Variants in MYB observed in about 807,000 individuals in gnomAD.
MYB encodes the protein transcriptional activator Myb.
A neutral mutation model predicts 92.9 loss-of-function variants in MYB; 28 were observed. The observed-to-expected ratio is 0.30, with a 90% CI of 0.22 to 0.41. The LOEUF (loss-of-function observed/expected upper bound fraction) is 0.41. Ranked by LOEUF, MYB falls within the 10% of genes least tolerant of loss-of-function variation. MYB has a pLI of 1.00. For synonymous variants in MYB, 295 were observed against 329.1 expected, an observed-to-expected ratio of 0.90 and a Z score of 1.12; for missense variants, 679 against 929.3, an observed-to-expected ratio of 0.73 and a Z score of 3.50.
intron 5 of MYB, among the ~76,000 whole-genome samples, chr6:135,191,050 C>T (rs1381920988): frequency 3.3e-5 from 5 of 152,180 alleles, no homozygotes; most frequent in Non-Finnish European, 5.9e-5. Flanking sequence ...CCTTTCACCT[C>T]CCAAAGTGCT....
rs755466943 is a variant in MYB, at chr6:135,196,961, G to A, written c.1204G>A (p.Asp402Asn). The A allele has an allele frequency of 4.3e-6, 7 of 1,611,008 alleles. No individual in the cohort carries two copies. Among genetic ancestry groups the A allele is most frequent in the Admixed American group, 1.7e-5 (1 of 59,818 alleles). ...FAETLQFIDS[D>N]SSSWCDLSSF... is the part of the protein sequence containing the mutation. ...TTCTGTGCCTCCCACATTGTTTCAGGATTCTTCATCATGGTGTGATCTCAG... is the reference window on the plus strand; with the variant it reads ...TTCTGTGCCTCCCACATTGTTTCAGAATTCTTCATCATGGTGTGATCTCAG... The change falls in exon 10 of 16, where the codon GAT becomes AAT. Residue 402 changes from aspartate to asparagine, a missense_variant and splice_region_variant. Asp to Asn is a conservative substitution (Grantham distance 23, BLOSUM62 1). Coordinates refer to ENST00000341911, the MANE Select transcript of MYB (RefSeq NM_001130173.2).
At chr6:135,198,189 C>T (rs1777593915) in intron 10 of MYB, among the ~76,000 whole-genome samples, 1 of 152,220 alleles carries the variant, frequency 6.6e-6, no homozygotes. Context: ...GGCCTGTAGT[C>T]CTAGCTACTG....
In MYB at chr6:135,218,164, G is replaced by T; in HGVS notation, c.*184G>T. The stretch of plus-strand genomic sequence containing the variant: ...CTTCTTGGATTTCACCCAACTAAAA[G>T]GATTTTTAAAAATAAATAACAGTCT... On this transcript the variant is annotated 3_prime_UTR_variant, in exon 16 of 16. Transcript: ENST00000341911. The T allele has an allele frequency of 3.8e-6, 2 of 524,728 alleles. No homozygotes were observed. Among genetic ancestry groups the T allele is most frequent in the Non-Finnish European group, 6.7e-6 (2 of 297,734 alleles). The allele number at this position is 524,728 out of a possible 1,614,324, so 32.5% of individuals were successfully genotyped here. A position where few individuals can be genotyped will look rare whatever the true frequency, so the allele number is the denominator to read the frequency against.
chr6:135,200,266 A>G, intron 12 of MYB, 24 bp from the exon 13 acceptor site: 1 of 1,613,902 alleles, frequency 6.2e-7, no homozygotes, highest in Non-Finnish European at 8.5e-7. Flanking sequence ...TCTCTGATGC[A>G]AAAATACCCA....
intron 15 of MYB, among the ~76,000 whole-genome samples, chr6:135,216,175 A>G (rs1780405369): frequency 6.6e-6 from 1 of 152,070 alleles, no homozygotes; most frequent in Non-Finnish European, 1.5e-5. Context: ...CAAATCTCAT[A>G]CCATCTTCAT....
chr6:135,196,070 A>G (rs550420459), intron 9 of MYB, 68 bp downstream of exon 9: 1 of 1,514,374 alleles, frequency 6.6e-7, no homozygotes, highest in East Asian at 2.3e-5. Context: ...TTCTTAAATC[A>G]TTGCCATTTT....
intron 1 of MYB, among the ~76,000 whole-genome samples, chr6:135,184,322 CTTTTTTTTTT>C: frequency 1.2e-4 from 8 of 68,418 alleles, no homozygotes; most frequent in African/African-American, 3.6e-4. Flanking sequence ...GGCTTTATAG[CTTTTTTTTTT>C]TTTTTTTTTT....
At chr6:135,201,046 T>C (rs1032921388) in intron 13 of MYB, among the ~76,000 whole-genome samples, 14 of 152,062 alleles carry the variant, frequency 9.2e-5, no homozygotes, top group Non-Finnish European at 1.6e-4. Flanking sequence ...ACCACTGCAC[T>C]CCAGCCTGGG....
intron 15 of MYB, among the ~76,000 whole-genome samples, chr6:135,212,429 A>G (rs1159251916): frequency 2.6e-5 from 4 of 152,102 alleles, no homozygotes; most frequent in Non-Finnish European, 5.9e-5. Flanking sequence ...TGTGAAGATC[A>G]TCTAATTCTG....
Position 135,219,117 on chromosome 6 carries a change from A to G in MYB, c.*1137A>G, listed in dbSNP as rs997831376. 5 of 221,868 alleles carry G rather than the reference A, an allele frequency of 2.3e-5. No homozygotes were observed. The highest frequency in any genetic ancestry group is 2.0e-4 in the East Asian group (3 of 15,352). The allele number at this position is 221,868 out of a possible 1,614,324, so 13.7% of individuals were successfully genotyped here. ...ATGGCCAGCACTGAACTTTTGAGAT[A>G]TGACGGTGTACTTACTGCCTTGTAG... On this transcript the variant is annotated 3_prime_UTR_variant, in exon 16 of 16. Transcript: ENST00000341911.
chr6:135,207,761 A>C (rs1330191844), intron 15 of MYB, among the ~76,000 whole-genome samples: 2 of 149,764 alleles, frequency 1.3e-5, no homozygotes, highest in Non-Finnish European at 3.0e-5. Flanking sequence ...TTGAGATGAA[A>C]TCTCATTCTG....
chr6:135,194,313 C>A, intron 7 of MYB, 43 bp from the exon 8 acceptor site: 1 of 1,444,860 alleles, frequency 6.9e-7, no homozygotes, highest in South Asian at 1.2e-5. Flanking sequence ...TTGCAGCTTC[C>A]AATCAGACCT....
intron 9 of MYB, chr6:135,196,738 G>A (rs1231489925): frequency 1.3e-6 from 2 of 1,508,124 alleles, no homozygotes; most frequent in African/African-American, 1.4e-5. Context: ...GTAGAGTGTC[G>A]GGAGGTCCCT....
At chr6:135,202,702 T>G (rs1353734626) in intron 14 of MYB, 4 of 301,242 alleles carry the variant, frequency 1.3e-5, no homozygotes, top group Non-Finnish European at 2.6e-5. Flanking sequence ...TTATGTCAAC[T>G]GGAAAACAGA....
intron 15 of MYB, among the ~76,000 whole-genome samples, chr6:135,204,123 G>T (rs748520367): frequency 3.3e-5 from 5 of 152,166 alleles, no homozygotes; most frequent in Non-Finnish European, 7.4e-5. Flanking sequence ...AGAAGCTGAA[G>T]GTCATATTTC....
rs1775183574 is a variant in MYB at position 135,182,342 on chromosome 6, T to C, written c.23+806T>C. Among the ~76,000 whole-genome samples, 1 of 152,172 alleles carries C rather than the reference T, an allele frequency of 6.6e-6. No homozygotes were observed. Among genetic ancestry groups the C allele is most frequent in the Admixed American group, 6.5e-5 (1 of 15,282 alleles). ...AATCCTCGTCCGAACTGTCAGTTGC[T>C]CGTTCCCCAGTCTCCACCGGCCTCT... On this transcript the variant is annotated intron_variant, in intron 1 of 15. Transcript: ENST00000341911. The surrounding 1 kb of genome is among the most constrained non-coding windows in gnomAD (Gnocchi z 5.6).
chr6:135,196,060 T>C, intron 9 of MYB, 58 bp downstream of exon 9: 1 of 1,549,432 alleles, frequency 6.5e-7, no homozygotes, highest in Non-Finnish European at 8.8e-7. Flanking sequence ...GAAAACCCAT[T>C]TCTTAAATCA....
At chr6:135,216,725 A>G (rs998784679) in intron 15 of MYB, among the ~76,000 whole-genome samples, 13 of 152,126 alleles carry the variant, frequency 8.5e-5, no homozygotes, top group Admixed American at 2.6e-4. Context: ...CTTTATACAC[A>G]TTTTTAAACT....
At chr6:135,188,248 C>T (rs1776176389) in intron 3 of MYB, among the ~76,000 whole-genome samples, 1 of 151,994 alleles carries the variant, frequency 6.6e-6, no homozygotes, top group Non-Finnish European at 1.5e-5. Flanking sequence ...CCTGAATTCC[C>T]TATTTTTGTC....
Sources: allele counts gnomAD v4.1 joint callset (sites outside exome capture counted in the v4.1 genomes callset), GRCh38; gene constraint gnomAD v4.1.1; non-coding constraint Gnocchi (gnomAD v3.1); transcripts MANE v1.5; gene names NCBI Gene and HGNC (gene_info 2026-07-23, HGNC 2026-07-21).